The following COG5 variants were observed in gnomAD, a reference collection of about 807,000 sequenced individuals.
COG5 encodes the protein component of oligomeric golgi complex 5, also known as conserved oligomeric Golgi complex subunit 5.
A neutral mutation model predicts 110.4 loss-of-function variants in COG5; 86 were observed. The ratio of observed to expected loss-of-function variants is 0.78; its 90% CI spans 0.65 to 0.93. COG5 has a LOEUF of 0.93. Ranked by LOEUF, COG5 falls within the 40% of genes least tolerant of loss-of-function variation. The pLI, the probability that COG5 is intolerant of heterozygous loss-of-function variation, is 0.00. For missense variants in COG5, 1,077 were observed against 987.0 expected (o/e 1.09, Z -1.22); for synonymous variants, 360 against 334.6 (o/e 1.08, Z -0.83).
At chr7:107,551,070 T>A (rs572042064) in intron 3 of COG5, among the ~76,000 whole-genome samples, 14 of 152,112 alleles carry the variant, frequency 9.2e-5, no homozygotes, top group Admixed American at 4.6e-4. Flanking sequence ...TGAGATGGAG[T>A]CTCGCTCTGT....
intron 10 of COG5, among the ~76,000 whole-genome samples, chr7:107,326,001 T>C (rs1809733211): frequency 6.6e-6 from 1 of 152,204 alleles, no homozygotes. Flanking sequence ...TAGATGCTTT[T>C]CATCATGTTA....
At chr7:107,549,678 AG>A (rs1456044808) in intron 3 of COG5, among the ~76,000 whole-genome samples, 1 of 151,754 alleles carries the variant, frequency 6.6e-6, no homozygotes, top group East Asian at 1.9e-4. Flanking sequence ...CTGGGATTAC[AG>A]GCGTGAGCCA....
intron 5 of COG5, among the ~76,000 whole-genome samples, chr7:107,541,523 A>AATAT (rs1554460370): frequency 0.08 from 4,488 of 56,438 alleles, 285 homozygotes; most frequent in Non-Finnish European, 0.091. Flanking sequence ...AAAAAAAAAA[A>AATAT]ATATATATAT....
At chr7:107,472,120 A>T (rs1440629354) in intron 6 of COG5, 1 of 152,048 alleles carries the variant, frequency 6.6e-6, no homozygotes, top group African/African-American at 2.4e-5. Context: ...AATTCCTATC[A>T]TCTGAGGAAA....
intron 16 of COG5, among the ~76,000 whole-genome samples, chr7:107,255,376 C>T (rs1802808972): frequency 2.0e-5 from 3 of 152,042 alleles, no homozygotes; most frequent in South Asian, 2.1e-4. Context: ...AGACTGTCTC[C>T]TTCTCTTACC....
chr7:107,501,611 G>A lies in COG5; in HGVS notation c.538+25626C>T, dbSNP rs150336713. On this transcript the variant is annotated intron_variant, in intron 6 of 21. Transcript: ENST00000297135. Reference sequence around the variant, plus strand: ...AAGAATGAATAGAATCATAAATGTGGTATGAGTATTACCTGTTAAATATAA... The same window carrying A: ...AAGAATGAATAGAATCATAAATGTGATATGAGTATTACCTGTTAAATATAA... Among the ~76,000 whole-genome samples, 8 of 152,188 alleles carry A rather than the reference G, an allele frequency of 5.3e-5. No homozygotes were observed. The East Asian group carries it at 1.5e-3, about 29-fold the overall frequency.
At position 107,483,513 on chromosome 7, in the gene COG5, C is replaced by A. The variant is rs567690310; in HGVS notation, c.538+43724G>T. Among the ~76,000 whole-genome samples the A allele has an allele frequency of 5.3e-5, 8 of 152,150 alleles. No homozygotes were observed. In the East Asian group the frequency reaches 1.5e-3, roughly 29 times the overall value. ...CTGAGGTTGGGAGTTCGAGACCAGCCTGACCAACATGGAGAAACCTGTCTC... is the reference window on the plus strand; with the variant it reads ...CTGAGGTTGGGAGTTCGAGACCAGCATGACCAACATGGAGAAACCTGTCTC... On this transcript the variant is annotated intron_variant, in intron 6 of 21. Coordinates refer to ENST00000297135, the MANE Select transcript of COG5 (RefSeq NM_006348.5).
At chr7:107,329,305 T>C (rs577671780) in intron 10 of COG5, among the ~76,000 whole-genome samples, 2 of 152,124 alleles carry the variant, frequency 1.3e-5, no homozygotes, top group South Asian at 4.2e-4. Context: ...ATGTGAAAAG[T>C]CCTTGGGAGA....
At chr7:107,346,011 C>T (rs1007304759) in intron 10 of COG5, among the ~76,000 whole-genome samples, 1 of 151,982 alleles carries the variant, frequency 6.6e-6, no homozygotes, top group African/African-American at 2.4e-5. Context: ...ATAACAGAAC[C>T]AATAATATCT....
intron 18 of COG5, among the ~76,000 whole-genome samples, chr7:107,234,681 G>C (rs1024062263): frequency 1.3e-5 from 2 of 152,112 alleles, no homozygotes; most frequent in Non-Finnish European, 2.9e-5. Flanking sequence ...AGCTGGTAGG[G>C]GAGAGAGCCC....
chr7:107,283,664 C>G lies in COG5; in HGVS notation c.1382G>C (p.Arg461Pro), dbSNP rs770669909. The change falls in exon 13 of 22, where the codon CGA becomes CCA. Residue 461 changes from arginine to proline, a missense_variant. Physicochemically the swap from Arg to Pro is moderately radical, Grantham distance 103. Transcript: ENST00000297135. Reference sequence around the variant, plus strand: ...AACCAAGTTGATAGGATCGAAGAGTCGAGATAAGGATTTTGATAGATAAGC... The same window carrying G: ...AACCAAGTTGATAGGATCGAAGAGTGGAGATAAGGATTTTGATAGATAAGC... The part of the protein sequence containing the change: ...EAAYLSKSLS[R>P]LFDPINLVFP... 5 of 1,613,676 alleles carry G rather than the reference C, an allele frequency of 3.1e-6. No individual in the cohort carries two copies. The Admixed American group carries it at 6.7e-5, about 22-fold the overall frequency.
intron 6 of COG5, among the ~76,000 whole-genome samples, chr7:107,488,071 ATT>A (rs1382214360): frequency 6.6e-6 from 1 of 152,098 alleles, no homozygotes; most frequent in African/African-American, 2.4e-5. Context: ...TATAAGAAAC[ATT>A]GTTTTATTAA....
intron 12 of COG5, among the ~76,000 whole-genome samples, chr7:107,289,462 T>C (rs561391600): frequency 6.6e-6 from 1 of 152,138 alleles, no homozygotes; most frequent in Non-Finnish European, 1.5e-5. Flanking sequence ...TTCTTCAATA[T>C]TGTTTTAACT....
chr7:107,207,775 T>C, intron 21 of COG5: 2 of 985,432 alleles, frequency 2.0e-6, no homozygotes, highest in Non-Finnish European at 2.4e-6. Context: ...ACTCTGATTT[T>C]CAAATGAACT....
chr7:107,436,843 G>T (rs1175923209), intron 6 of COG5, among the ~76,000 whole-genome samples: 1 of 152,124 alleles, frequency 6.6e-6, no homozygotes, highest in African/African-American at 2.4e-5. Context: ...AGTGTGCCTT[G>T]TTTAAATAAA....
intron 19 of COG5, among the ~76,000 whole-genome samples, chr7:107,226,867 A>G (rs1051921332): frequency 6.6e-6 from 1 of 152,264 alleles, no homozygotes; most frequent in Non-Finnish European, 1.5e-5. Context: ...ATATAAATAT[A>G]GAAATATAAT....
intron 14 of COG5, among the ~76,000 whole-genome samples, chr7:107,259,587 G>C (rs1339767277): frequency 6.6e-6 from 1 of 152,008 alleles, no homozygotes; most frequent in Non-Finnish European, 1.5e-5. Flanking sequence ...GCAGACTCGG[G>C]GCAGGGGGGG....
intron 12 of COG5, among the ~76,000 whole-genome samples, chr7:107,295,099 A>ATT (rs1331030154): frequency 2.2e-3 from 142 of 63,854 alleles, no homozygotes; most frequent in Non-Finnish European, 3.0e-3. Context: ...ATATATATAT[A>ATT]TATTTTTTTT....
intron 6 of COG5, among the ~76,000 whole-genome samples, chr7:107,454,426 G>T (rs941735924): frequency 1.3e-5 from 2 of 152,070 alleles, no homozygotes; most frequent in African/African-American, 4.8e-5. Context: ...AAAAATAATA[G>T]AACAAATTGT....
Sources: allele counts gnomAD v4.1 joint callset (sites outside exome capture counted in the v4.1 genomes callset), GRCh38; gene constraint gnomAD v4.1.1; transcripts MANE v1.5; gene names NCBI Gene and HGNC (gene_info 2026-07-23, HGNC 2026-07-21).